SLC12A7: variants seen among roughly 807,000 people sequenced by gnomAD.
The protein encoded by SLC12A7 is K-Cl cotransporter 4.
In SLC12A7, 100 loss-of-function variants were observed where a neutral mutation model predicts 120.6. That is an observed-to-expected ratio of 0.83 (90% CI 0.71 to 0.98). SLC12A7 has a LOEUF of 0.98. Among genes scored for constraint, SLC12A7 ranks in the 50% least tolerant of loss-of-function variants. SLC12A7 has a pLI of 0.00. For synonymous variants in SLC12A7, 760 were observed against 678.0 expected (o/e 1.12, Z -1.88); for missense variants, 1,373 against 1,548.1 (o/e 0.89, Z 1.90).
intron 14 of SLC12A7, 134 bp downstream of exon 14, chr5:1,075,995 CCCAGAGCAG>C (rs1486435650): frequency 1.5e-6 from 1 of 658,368 alleles, no homozygotes; most frequent in African/African-American, 1.8e-5. Flanking sequence ...GGTCTTCAGG[CCCAGAGCAG>C]CTGGCCTTGT....
At chr5:1,078,152 G>T in intron 11 of SLC12A7, 145 bp from the exon 12 acceptor site, 1 of 1,006,628 alleles carries the variant, frequency 9.9e-7, no homozygotes, top group Non-Finnish European at 1.4e-6. Context: ...GTCCCCGTTG[G>T]CTGAAACCTC....
chr5:1,055,585 G>A (rs542454985), intron 22 of SLC12A7, among the ~76,000 whole-genome samples: 38 of 152,248 alleles, frequency 2.5e-4, no homozygotes, highest in East Asian at 1.5e-3. Flanking sequence ...AAGCCCACGC[G>A]TTGTCCATTC....
At chr5:1,136,335 G>A in the SLC12A7 span, among the ~76,000 whole-genome samples, 1 of 151,982 alleles carries the variant, frequency 6.6e-6, no homozygotes, top group African/African-American at 2.4e-5. Flanking sequence ...CCAACACCAG[G>A]ACACGCAGGC....
the SLC12A7 span, among the ~76,000 whole-genome samples, chr5:1,122,341 T>C: frequency 6.6e-6 from 1 of 152,094 alleles, no homozygotes; most frequent in South Asian, 2.1e-4. Context: ...ATGAAAATTC[T>C]GGCTGCCCAG....
In SLC12A7 at chr5:1,064,266, C is replaced by A. The variant is rs761534585; in HGVS notation, c.2438-14G>T. The A allele has an allele frequency of 6.2e-7, 1 of 1,601,454 alleles. No homozygotes were observed. The highest frequency in any genetic ancestry group is 8.5e-7 in the Non-Finnish European group (1 of 1,173,936). ...CGCGGACGGTGTCTGCGGAGAGAGG[C>A]GGCCGTCCGCAGGTCATCTGAGGCC... is the stretch of plus-strand genomic sequence containing the variant. On this transcript the variant is annotated splice_polypyrimidine_tract_variant and intron_variant, in intron 18 of 23. Transcript: ENST00000264930.
intron 1 of SLC12A7, among the ~76,000 whole-genome samples, chr5:1,101,087 G>A (rs866247857): frequency 6.6e-6 from 1 of 151,982 alleles, no homozygotes; most frequent in African/African-American, 2.4e-5. Flanking sequence ...CCCCGGCCTC[G>A]GCCCGCCTCG....
rs374065045 is a variant in SLC12A7 at position 1,052,373 on chromosome 5, G to A, written c.3239C>T (p.Thr1080Ile). Reference sequence around the variant, plus strand: ...TGCTGTTGGGCATTAGGAGTAGATGGTGATCACCTCCCGGCCGCCACCCCT... The same window carrying A: ...TGCTGTTGGGCATTAGGAGTAGATGATGATCACCTCCCGGCCGCCACCCCT... ...LVRGGGREVI[T>I]IYS The change falls in exon 24 of 24, where the codon ACC becomes ATC. Residue 1080 changes from threonine to isoleucine, a missense_variant. By Grantham distance (89) the Thr-to-Ile change is moderately conservative. Coordinates refer to ENST00000264930, the MANE Select transcript of SLC12A7 (RefSeq NM_006598.3). 10 of 1,612,556 alleles carry A rather than the reference G, an allele frequency of 6.2e-6. No homozygotes were observed. The highest frequency in any genetic ancestry group is 2.2e-5 in the East Asian group (1 of 44,892).
At chr5:1,124,131 C>T in the SLC12A7 span, among the ~76,000 whole-genome samples, 1 of 152,226 alleles carries the variant, frequency 6.6e-6, no homozygotes, top group Non-Finnish European at 1.5e-5. Flanking sequence ...AAACCCACAG[C>T]TGACAGCAGG....
At chr5:1,139,118 TC>T in the SLC12A7 span, among the ~76,000 whole-genome samples, 1 of 151,896 alleles carries the variant, frequency 6.6e-6, no homozygotes, top group South Asian at 2.1e-4. Context: ...CCTCCGATGG[TC>T]CCCACAGCTG....
At chr5:1,076,914 G>C in intron 12 of SLC12A7, 102 bp from the exon 13 acceptor site, 5 of 818,548 alleles carry the variant, frequency 6.1e-6, no homozygotes, top group Non-Finnish European at 1.0e-5. Flanking sequence ...TAAAGACACA[G>C]ACCAGCAGAA....
chr5:1,097,991 C>T (rs946480316), intron 1 of SLC12A7, among the ~76,000 whole-genome samples: 6 of 152,064 alleles, frequency 3.9e-5, no homozygotes, highest in African/African-American at 1.2e-4. Context: ...ACCAAGAGTG[C>T]GTCCCGGGGA....
At chr5:1,098,984 C>G (rs1741695251) in intron 1 of SLC12A7, among the ~76,000 whole-genome samples, 1 of 152,016 alleles carries the variant, frequency 6.6e-6, no homozygotes, top group Non-Finnish European at 1.5e-5. Context: ...GACCGGAAGG[C>G]TGAGAGGACA....
At chr5:1,089,762 C>T (rs1205252415) in intron 3 of SLC12A7, among the ~76,000 whole-genome samples, 1 of 152,162 alleles carries the variant, frequency 6.6e-6, no homozygotes, top group Non-Finnish European at 1.5e-5. Context: ...GGGGACACAC[C>T]CTGTGCCCTG....
At chr5:1,103,248 AT>A (rs1742185203) in intron 1 of SLC12A7, among the ~76,000 whole-genome samples, 1 of 152,078 alleles carries the variant, frequency 6.6e-6, no homozygotes, top group Non-Finnish European at 1.5e-5. Context: ...TTCATCACCC[AT>A]TCCCGAAGTG....
At chr5:1,101,190 A>C (rs1158900385) in intron 1 of SLC12A7, among the ~76,000 whole-genome samples, 1 of 152,154 alleles carries the variant, frequency 6.6e-6, no homozygotes, top group Non-Finnish European at 1.5e-5. Context: ...CACTGGGTGG[A>C]CTGCCCTGCC....
At chr5:1,061,034 G>GCACCTGCCGCATCCGCCA (rs1450637735) in intron 20 of SLC12A7, among the ~76,000 whole-genome samples, 5 of 142,276 alleles carry the variant, frequency 3.5e-5, no homozygotes, top group African/African-American at 1.3e-4. Context: ...CGCACCCGCC[G>GCACCTGCCGCATCCGCCA]TGCGGGATCC....
At chr5:1,124,361 C>T in the SLC12A7 span, among the ~76,000 whole-genome samples, 39 of 152,328 alleles carry the variant, frequency 2.6e-4, no homozygotes, top group African/African-American at 9.4e-4. Flanking sequence ...GAGGAAGTAG[C>T]TGCGTGCAGT....
intron 1 of SLC12A7, among the ~76,000 whole-genome samples, chr5:1,108,029 T>TACACACACACAC (rs59652318): frequency 0.31 from 46,326 of 151,378 alleles, 7,763 homozygotes; most frequent in Non-Finnish European, 0.38. Context: ...AACACACACA[T>TACACACACACAC]ACACACACAC....
intron 6 of SLC12A7, among the ~76,000 whole-genome samples, chr5:1,085,821 C>A (rs910189197): frequency 6.6e-6 from 1 of 152,196 alleles, no homozygotes; most frequent in African/African-American, 2.4e-5. Context: ...CCGGGGCATC[C>A]GCATGTCCGC....
Sources: allele counts gnomAD v4.1 joint callset (sites outside exome capture counted in the v4.1 genomes callset), GRCh38; gene constraint gnomAD v4.1.1; transcripts MANE v1.5; gene names NCBI Gene and HGNC (gene_info 2026-07-23, HGNC 2026-07-21).